Variants in ATP8B2 observed in about 807,000 individuals in gnomAD.
ATP8B2 encodes phospholipid-transporting ATPase ID.
Under a neutral mutation model 133.4 loss-of-function variants are expected in ATP8B2, and 70 were observed. That is an observed-to-expected ratio of 0.52 (90% CI 0.43 to 0.64). ATP8B2 has a LOEUF of 0.64. ATP8B2 is among the 30% of genes least tolerant of loss of function. The pLI, the probability that ATP8B2 is intolerant of heterozygous loss-of-function variation, is 0.00. For missense variants in ATP8B2, 1,101 were observed against 1,535.7 expected (o/e 0.72, Z 4.73); for synonymous variants, 517 against 589.5 (o/e 0.88, Z 1.78).
Position 154,328,932 on chromosome 1 carries a change from G to A in ATP8B2, c.31+760G>A. On this transcript the variant is annotated intron_variant, in intron 2 of 27. Transcript: ENST00000368489. This position sits in a 1 kb window ranked among gnomAD's most constrained non-coding sequence, Gnocchi z 4.6. ...CTCCCCGGGGAGCCGCCCCGTCGAT[G>A]CCACTAAGGCCAAGGACATATAGAC... 1 of 1,287,714 alleles carries A rather than the reference G, an allele frequency of 7.8e-7. No individual in the cohort carries two copies. The highest frequency in any genetic ancestry group is 2.4e-5 in the Admixed American group (1 of 42,202). 79.8% of individuals were successfully genotyped at this position (1,287,714 alleles called of 1,614,324 possible).
chr1:154,342,596 T>A, intron 14 of ATP8B2, 73 bp downstream of exon 14: 1 of 1,516,268 alleles, frequency 6.6e-7, no homozygotes, highest in South Asian at 1.1e-5. Context: ...TAGTCAGGAG[T>A]GATGTGTTGT....
intron 11 of ATP8B2, among the ~76,000 whole-genome samples, chr1:154,336,794 CTTTTT>C (rs370012622): frequency 3.2e-5 from 4 of 126,452 alleles, no homozygotes; most frequent in Non-Finnish European, 5.0e-5. Flanking sequence ...TGCACCTGGC[CTTTTT>C]TTTTTTTTTT....
Position 154,343,329 on chromosome 1 carries a change from G to A in ATP8B2, c.1642+28G>A, listed in dbSNP as rs775261946. On this transcript the variant is annotated intron_variant, in intron 16 of 27. Transcript: ENST00000368489. The surrounding 1 kb of genome is among the most constrained non-coding windows in gnomAD (Gnocchi z 5.8). ...GAGGCCAGGCCTGGGGTGCTGGGGC[G>A]TTTGGGGACAGCATTCAGGCCTGGA... 18 of 1,611,274 alleles carry A rather than the reference G, an allele frequency of 1.1e-5. No individual in the cohort carries two copies. The highest frequency in any genetic ancestry group is 1.6e-4 in the Middle Eastern group (1 of 6,076).
At chr1:154,336,932 C>A (rs1344854191) in intron 11 of ATP8B2, among the ~76,000 whole-genome samples, 1 of 150,812 alleles carries the variant, frequency 6.6e-6, no homozygotes, top group East Asian at 1.9e-4. Context: ...GTAGCTGAGA[C>A]TACAGGCAAG....
chr1:154,331,839 A>T lies in ATP8B2; in HGVS notation c.439-115A>T. Reference sequence around the variant, plus strand: ...CATGCTGATATGCCTGGAACTAGCCATTTATGCACCTGGAACTAAGCAAAC... The same window carrying T: ...CATGCTGATATGCCTGGAACTAGCCTTTTATGCACCTGGAACTAAGCAAAC... On this transcript the variant is annotated intron_variant, in intron 7 of 27. Coordinates refer to ENST00000368489, the MANE Select transcript of ATP8B2 (RefSeq NM_001370597.1). This position sits in a 1 kb window ranked among gnomAD's most constrained non-coding sequence, Gnocchi z 4.8. The T allele has an allele frequency of 7.5e-7, 1 of 1,327,408 alleles. No homozygotes were observed. Among genetic ancestry groups the T allele is most frequent in the East Asian group, 2.3e-5 (1 of 43,396 alleles). The allele number at this position is 1,327,408 out of a possible 1,614,324, so 82.2% of individuals were successfully genotyped here. A position where few individuals can be genotyped will look rare whatever the true frequency, so the allele number is the denominator to read the frequency against.
Position 154,345,618 on chromosome 1 carries a change from C to T in ATP8B2, c.2694+73C>T. On this transcript the variant is annotated intron_variant, in intron 23 of 27. Coordinates refer to ENST00000368489, the MANE Select transcript of ATP8B2 (RefSeq NM_001370597.1). The surrounding 1 kb of genome is among the most constrained non-coding windows in gnomAD (Gnocchi z 5.6). The stretch of plus-strand genomic sequence containing the variant: ...GGCAGAGGTTCTGTCTTGTTTATCA[C>T]TCAGTCCCCCAGGGCCTAGCTATTT... 7 of 1,422,880 alleles carry T rather than the reference C, an allele frequency of 4.9e-6. No individual in the cohort carries two copies. Among genetic ancestry groups the T allele is most frequent in the East Asian group, 4.6e-5 (2 of 43,888 alleles). 88.1% of individuals were successfully genotyped at this position (1,422,880 alleles called of 1,614,324 possible).
intron 27 of ATP8B2, 111 bp from the exon 28 acceptor site, chr1:154,348,729 G>C (rs1570875511): frequency 1.4e-6 from 2 of 1,390,258 alleles, no homozygotes; most frequent in East Asian, 5.4e-5. Flanking sequence ...CAGGTGCTGT[G>C]GGTCGGAGGC....
At position 154,346,201 on chromosome 1, in the gene ATP8B2, C is replaced by T; in HGVS notation, c.2779-30C>T. Reference sequence around the variant, plus strand: ...AGGGTCAAAACGGCAACCTCTGAGGCCCCCTATGCTACATGGTCCTCCCAC... The same window carrying T: ...AGGGTCAAAACGGCAACCTCTGAGGTCCCCTATGCTACATGGTCCTCCCAC... On this transcript the variant is annotated intron_variant, in intron 24 of 27. Coordinates refer to ENST00000368489, the MANE Select transcript of ATP8B2 (RefSeq NM_001370597.1). This position sits in a 1 kb window ranked among gnomAD's most constrained non-coding sequence, Gnocchi z 4.5. 1 of 1,604,614 alleles carries T rather than the reference C, an allele frequency of 6.2e-7. No homozygotes were observed. The highest frequency in any genetic ancestry group is 8.5e-7 in the Non-Finnish European group (1 of 1,174,950).
At chr1:154,336,866 C>T (rs1489835988) in intron 11 of ATP8B2, among the ~76,000 whole-genome samples, 2 of 149,238 alleles carry the variant, frequency 1.3e-5, no homozygotes, top group African/African-American at 2.5e-5. Context: ...ATGATCTTGG[C>T]TCACTGCAAT....
At chr1:154,337,314 G>GTC in intron 11 of ATP8B2, 34 bp from the exon 12 acceptor site, 1 of 1,588,918 alleles carries the variant, frequency 6.3e-7, no homozygotes, top group Admixed American at 1.7e-5. Flanking sequence ...CTTCCTACAT[G>GTC]TCAGCCTCGC....
chr1:154,335,255 G>A (rs1267753092), intron 11 of ATP8B2, among the ~76,000 whole-genome samples: 4 of 152,142 alleles, frequency 2.6e-5, no homozygotes, highest in Non-Finnish European at 5.9e-5. Context: ...GCCCCCTGGT[G>A]GCCATTGGGC....
Position 154,343,490 on chromosome 1 carries a change from A to G in ATP8B2, c.1680A>G (p.Lys560=). ...AGGGGAAGATCCGACTCTACTGCAA[A>G]GGGGCTGACACTATCCTACTGGACA... is the stretch of plus-strand genomic sequence containing the variant. The part of the protein sequence containing the change: ...NPEGKIRLYC[K]GADTILLDRL... Residue 560 remains lysine (K), a synonymous_variant, in exon 17 of 28, where the codon AAA becomes AAG. Coordinates refer to ENST00000368489, the MANE Select transcript of ATP8B2 (RefSeq NM_001370597.1). The surrounding 1 kb of genome is among the most constrained non-coding windows in gnomAD (Gnocchi z 5.8). 1.2e-6 allele frequency: 2 copies of G among 1,614,102 alleles called. No individual in the cohort carries two copies. The highest frequency in any genetic ancestry group is 1.7e-6 in the Non-Finnish European group (2 of 1,180,008).
chr1:154,328,949 C>T lies in ATP8B2; in HGVS notation c.31+777C>T, dbSNP rs1327596305. 1 of 1,303,848 alleles carries T rather than the reference C, an allele frequency of 7.7e-7. No individual in the cohort carries two copies. The highest frequency in any genetic ancestry group is 2.2e-4 in the Middle Eastern group (1 of 4,558). The allele number at this position is 1,303,848 out of a possible 1,614,324, so 80.8% of individuals were successfully genotyped here. A position where few individuals can be genotyped will look rare whatever the true frequency, so the allele number is the denominator to read the frequency against. Reference sequence around the variant, plus strand: ...CCGTCGATGCCACTAAGGCCAAGGACATATAGACGGTCTGCCCTCCCCCAC... The same window carrying T: ...CCGTCGATGCCACTAAGGCCAAGGATATATAGACGGTCTGCCCTCCCCCAC... On this transcript the variant is annotated intron_variant, in intron 2 of 27. Transcript: ENST00000368489. This position sits in a 1 kb window ranked among gnomAD's most constrained non-coding sequence, Gnocchi z 4.6.
At chr1:154,338,444 G>A (rs577695407) in intron 12 of ATP8B2, among the ~76,000 whole-genome samples, 29 of 152,268 alleles carry the variant, frequency 1.9e-4, no homozygotes, top group African/African-American at 5.3e-4. Context: ...GGCGGATAAC[G>A]AGGTCAGGAA....
chr1:154,345,858 T>C lies in ATP8B2; in HGVS notation c.2753T>C (p.Val918Ala). 6.2e-7 allele frequency: 1 copy of C among 1,613,258 alleles called. No individual in the cohort carries two copies. Among genetic ancestry groups the C allele is most frequent in the Non-Finnish European group, 8.5e-7 (1 of 1,179,204 alleles). ...LYNIVYTSLPVLAMGVFDQDV... is the reference protein window; with the variant it reads ...LYNIVYTSLPALAMGVFDQDV... The stretch of plus-strand genomic sequence containing the variant: ...AACATCGTGTACACCTCCCTGCCAG[T>C]CCTGGCTATGGGGGTCTTTGATCAG... Residue 918 changes from valine (V) to alanine (A), a missense_variant, in exon 24 of 28, where the codon GTC becomes GCC. Transcript: ENST00000368489. The surrounding 1 kb of genome is among the most constrained non-coding windows in gnomAD (Gnocchi z 5.6).
rs149913339 is a variant in ATP8B2 at position 154,343,897 on chromosome 1, A to G, written c.1763A>G (p.Tyr588Cys). 210 of 1,608,782 alleles carry G rather than the reference A, an allele frequency of 1.3e-4. No individual in the cohort carries two copies. The African/African-American group carries it at 2.4e-3, about 19-fold the overall frequency. ...LNTTMDHLNE[Y>C]AGEGLRTLVL... is the part of the protein sequence containing the mutation. ...GCCTTTCCACTCTGCCTCCAGGAGTACGCAGGGGAAGGGCTGAGGACCCTG... is the reference window on the plus strand; with the variant it reads ...GCCTTTCCACTCTGCCTCCAGGAGTGCGCAGGGGAAGGGCTGAGGACCCTG... The change falls in exon 18 of 28, where the codon TAC becomes TGC. Residue 588 changes from tyrosine (Y) to cysteine (C), a missense_variant. Coordinates refer to ENST00000368489, the MANE Select transcript of ATP8B2 (RefSeq NM_001370597.1). This position sits in a 1 kb window ranked among gnomAD's most constrained non-coding sequence, Gnocchi z 5.8.
chr1:154,346,899 GAGA>G lies in ATP8B2; in HGVS notation c.3163+144_3163+146del, dbSNP rs1247442527. ...TTTATTTATTTATTTATTTATTTTC[GAGA>G]AGGAGTCTTGCCCAGGCTGGAGTGC... On this transcript the variant is annotated intron_variant, in intron 26 of 27. Coordinates refer to ENST00000368489, the MANE Select transcript of ATP8B2 (RefSeq NM_001370597.1). The surrounding 1 kb of genome is among the most constrained non-coding windows in gnomAD (Gnocchi z 4.5). 4 of 756,660 alleles carry G rather than the reference GAGA, an allele frequency of 5.3e-6. No individual in the cohort carries two copies. The East Asian group carries it at 1.5e-4, about 28-fold the overall frequency. The allele number at this position is 756,660 out of a possible 1,614,324, so 46.9% of individuals were successfully genotyped here.
chr1:154,348,832 C>T lies in ATP8B2; in HGVS notation c.3295-8C>T. ...TGACAGAGGGCTCTTCCCTGTGCCCCTCTGCAGGTCCGCTACACACAGCTC... is the reference window on the plus strand; with the variant it reads ...TGACAGAGGGCTCTTCCCTGTGCCCTTCTGCAGGTCCGCTACACACAGCTC... On this transcript the variant is annotated splice_polypyrimidine_tract_variant and splice_region_variant and intron_variant, in intron 27 of 27. Transcript: ENST00000368489. 6.3e-7 allele frequency: 1 copy of T among 1,584,442 alleles called. No homozygotes were observed. The highest frequency in any genetic ancestry group is 8.6e-7 in the Non-Finnish European group (1 of 1,160,536).
chr1:154,327,948 G>A (rs1431157650), intron 1 of ATP8B2, 157 bp from the exon 2 acceptor site: 131 of 1,539,720 alleles, frequency 8.5e-5, no homozygotes, highest in Non-Finnish European at 6.3e-6. Flanking sequence ...CTCTTTCCCA[G>A]GAACCCATCA....
Sources: gnomAD v4.1 joint callset for allele counts (sites outside exome capture counted in the v4.1 genomes callset) on GRCh38, gnomAD v4.1.1 for gene constraint, Gnocchi (gnomAD v3.1) non-coding constraint, MANE v1.5 for transcripts, NCBI Gene and HGNC (gene_info 2026-07-23, HGNC 2026-07-21) for gene names.